The following GNAQ variants were observed in gnomAD, a reference collection of about 807,000 sequenced individuals.
GNAQ encodes guanine nucleotide-binding protein G(q) subunit alpha.
In GNAQ, 8 loss-of-function variants were observed where a neutral mutation model predicts 43.9. That is an observed-to-expected ratio of 0.18 (90% confidence interval 0.11 to 0.33). GNAQ has a LOEUF of 0.33. GNAQ is among the 10% of genes least tolerant of loss of function. The probability of loss-of-function intolerance (pLI) is 1.00; values close to 1 mark genes in which losing one functional copy is unlikely to be tolerated. For synonymous variants in GNAQ, 155 were observed against 170.7 expected, an observed-to-expected ratio of 0.91 and a Z score of 0.71; for missense variants, 158 against 450.8, an observed-to-expected ratio of 0.35 and a Z score of 5.88.
intron 1 of GNAQ, among the ~76,000 whole-genome samples, chr9:77,944,979 G>A (rs1822867376): frequency 6.6e-6 from 1 of 152,202 alleles, no homozygotes; most frequent in African/African-American, 2.4e-5. Context: ...CCACCGCAGA[G>A]AATTCAGCAA....
intron 4 of GNAQ, among the ~76,000 whole-genome samples, 191 bp from the exon 5 acceptor site, chr9:77,794,783 T>C (rs1367446127): frequency 1.1e-4 from 17 of 152,140 alleles, no homozygotes; most frequent in Admixed American, 1.0e-3. Context: ...TAAAACATTC[T>C]GGGTAACACA....
intron 5 of GNAQ, among the ~76,000 whole-genome samples, chr9:77,738,835 ATCTTATGTTCTATATTTTGC>A (rs1270874613): frequency 6.6e-6 from 1 of 152,186 alleles, no homozygotes; most frequent in Non-Finnish European, 1.5e-5. Flanking sequence ...TAGATGTAAA[ATCTTATGTTCTATATTTTGC>A]TCTCAACATT....
chr9:77,809,376 T>G lies in GNAQ; in HGVS notation c.476+6240A>C, dbSNP rs190122458. On this transcript the variant is annotated intron_variant, in intron 3 of 6. Coordinates refer to ENST00000286548, the MANE Select transcript of GNAQ (RefSeq NM_002072.5). ...CACTATACGCCAATGTGATTGAGAC[T>G]TGTGTCTTCTGGCTAATGTCAGGGA... Among the ~76,000 whole-genome samples, 213 of 152,298 alleles carry G rather than the reference T, an allele frequency of 1.4e-3. 3 individuals are homozygous for G. Among genetic ancestry groups the G allele is most frequent in the South Asian group, 0.013 (65 of 4,826 alleles).
At chr9:77,968,662 C>G (rs1823198602) in intron 1 of GNAQ, among the ~76,000 whole-genome samples, 1 of 152,360 alleles carries the variant, frequency 6.6e-6, no homozygotes, top group East Asian at 1.9e-4. Flanking sequence ...TCTAATAGAT[C>G]TGGCCATCAG....
chr9:77,882,834 T>G (rs1828236990), intron 2 of GNAQ, among the ~76,000 whole-genome samples: 1 of 152,210 alleles, frequency 6.6e-6, no homozygotes, highest in Non-Finnish European at 1.5e-5. Context: ...ATTTTTAAAG[T>G]GCCTTTGTGC....
chr9:77,934,982 G>C (rs948886977), intron 1 of GNAQ, among the ~76,000 whole-genome samples: 1 of 152,208 alleles, frequency 6.6e-6, no homozygotes, highest in Admixed American at 6.5e-5. Context: ...AAAATTAGCA[G>C]GGTATGGTGG....
At chr9:77,736,625 G>A (rs1022647453) in intron 5 of GNAQ, among the ~76,000 whole-genome samples, 1 of 152,068 alleles carries the variant, frequency 6.6e-6, no homozygotes, top group Admixed American at 6.6e-5. Flanking sequence ...AATAAGTCGC[G>A]GTCACATGTC....
At chr9:77,767,382 A>G (rs887195710) in intron 5 of GNAQ, among the ~76,000 whole-genome samples, 2 of 152,038 alleles carry the variant, frequency 1.3e-5, no homozygotes, top group Admixed American at 1.3e-4. Flanking sequence ...GGGGGGACAA[A>G]TTAGCCTCCC....
At chr9:77,844,316 T>A (rs904360576) in intron 2 of GNAQ, among the ~76,000 whole-genome samples, 8 of 152,226 alleles carry the variant, frequency 5.3e-5, no homozygotes, top group Non-Finnish European at 8.8e-5. Context: ...AGGGGCCCAC[T>A]GTTCTCTTCC....
At chr9:77,846,422 A>C (rs1181110405) in intron 2 of GNAQ, among the ~76,000 whole-genome samples, 2 of 152,160 alleles carry the variant, frequency 1.3e-5, no homozygotes, top group East Asian at 3.9e-4. Flanking sequence ...CAGCTAGAAA[A>C]ACAAGCTGGT....
intron 2 of GNAQ, among the ~76,000 whole-genome samples, chr9:77,878,255 AAC>A: frequency 6.6e-6 from 1 of 151,036 alleles, no homozygotes; most frequent in East Asian, 1.9e-4. Context: ...AACCCTTCCA[AAC>A]ACAAAAAACC....
chr9:77,810,745 A>G (rs922843975), intron 3 of GNAQ, among the ~76,000 whole-genome samples: 5 of 152,222 alleles, frequency 3.3e-5, no homozygotes, highest in Admixed American at 3.3e-4. Flanking sequence ...TCATGAAACA[A>G]TCACTTGTGA....
chr9:77,985,000 C>G (rs1823415784), intron 1 of GNAQ, among the ~76,000 whole-genome samples: 1 of 152,066 alleles, frequency 6.6e-6, no homozygotes, highest in Non-Finnish European at 1.5e-5. Flanking sequence ...ACACTAGTTC[C>G]CCCTACATGG....
chr9:77,878,880 T>C (rs1047000550), intron 2 of GNAQ, among the ~76,000 whole-genome samples: 1 of 151,956 alleles, frequency 6.6e-6, no homozygotes, highest in African/African-American at 2.4e-5. Context: ...ACCCCATCTC[T>C]ACCAAAAATA....
At chr9:77,961,027 T>A (rs531447254) in intron 1 of GNAQ, among the ~76,000 whole-genome samples, 1 of 152,342 alleles carries the variant, frequency 6.6e-6, no homozygotes, top group East Asian at 1.9e-4. Context: ...ACAGTTCAAA[T>A]TCTAGCCATT....
intron 1 of GNAQ, among the ~76,000 whole-genome samples, chr9:77,965,908 C>T (rs747337248): frequency 3.3e-5 from 5 of 150,684 alleles, no homozygotes; most frequent in African/African-American, 1.2e-4. Context: ...CTTTATTTGT[C>T]GTAGCCAAAC....
At chr9:77,827,611 G>C (rs917230831) in intron 2 of GNAQ, among the ~76,000 whole-genome samples, 1 of 151,932 alleles carries the variant, frequency 6.6e-6, no homozygotes, top group Non-Finnish European at 1.5e-5. Context: ...CTGCCTTTCA[G>C]AGCAAAGATA....
Position 77,875,146 on chromosome 9 carries a change from T to G in GNAQ, c.321+47015A>C, listed in dbSNP as rs569354545. 2.6e-5 allele frequency among the ~76,000 whole-genome samples: 4 copies of G among 152,334 alleles called. No individual in the cohort carries two copies. The South Asian group carries it at 8.3e-4, about 32-fold the overall frequency. On this transcript the variant is annotated intron_variant, in intron 2 of 6. Transcript: ENST00000286548. ...TAAGAGATGACTTCATCATTGCTTC[T>G]GATAACTAACTTCGTCATACTCCTC...
chr9:77,825,064 AT>A (rs1265678510), intron 2 of GNAQ, among the ~76,000 whole-genome samples: 2 of 152,204 alleles, frequency 1.3e-5, no homozygotes, highest in African/African-American at 4.8e-5. Context: ...TGTCTTTCGT[AT>A]TTTGTGTGGT....
Sources: gnomAD v4.1 joint callset for allele counts (sites outside exome capture counted in the v4.1 genomes callset) on GRCh38, gnomAD v4.1.1 for gene constraint, MANE v1.5 for transcripts, NCBI Gene and HGNC (gene_info 2026-07-23, HGNC 2026-07-21) for gene names.